Variants in MTUS1 observed in about 807,000 individuals in gnomAD.
The protein encoded by MTUS1 is microtubule-associated tumor suppressor 1.
In MTUS1, 109 loss-of-function variants were observed where a neutral mutation model predicts 120.8. The observed-to-expected ratio is 0.90, with a 90% CI of 0.77 to 1.06. MTUS1 has a LOEUF of 1.06. Ranked by LOEUF, MTUS1 falls within the 50% of genes least tolerant of loss-of-function variation. The pLI is 0.00. For missense variants in MTUS1, 2,210 were observed against 1,486.3 expected (o/e 1.49, Z -8.01); for synonymous variants, 737 against 550.5 (o/e 1.34, Z -4.74).
chr8:17,698,384 C>CA (rs17840567), intron 6 of MTUS1, among the ~76,000 whole-genome samples: 121,911 of 152,114 alleles, frequency 0.8, 48,959 homozygotes, highest in Middle Eastern at 0.88. Flanking sequence ...AACATGATAG[C>CA]AAAACCAAAA....
intron 1 of MTUS1, among the ~76,000 whole-genome samples, chr8:17,758,872 T>A (rs2048823522): frequency 6.6e-6 from 1 of 152,202 alleles, no homozygotes; most frequent in Non-Finnish European, 1.5e-5. Context: ...GGCTCATATG[T>A]CAAAGTTATT....
At chr8:17,681,772 C>T (rs1310942891) in intron 7 of MTUS1, 1 of 154,654 alleles carries the variant, frequency 6.5e-6, no homozygotes, top group Non-Finnish European at 1.5e-5. Flanking sequence ...CTTATAGTAC[C>T]AGTTGAAAAC....
chr8:17,800,843 A>C (rs1330624209), intron 1 of MTUS1: 1 of 152,424 alleles, frequency 6.6e-6, no homozygotes, highest in Non-Finnish European at 1.5e-5. Context: ...CGAGATCCGC[A>C]TCCGTCCCTT....
At chr8:17,646,264 C>A (rs1292936205) in intron 14 of MTUS1, 125 bp from the exon 15 acceptor site, 1 of 1,076,684 alleles carries the variant, frequency 9.3e-7, no homozygotes, top group Admixed American at 2.9e-5. Flanking sequence ...GAATCCTGCA[C>A]AAGGTCACAG....
chr8:17,713,770 T>C (rs1821790764), intron 5 of MTUS1, among the ~76,000 whole-genome samples: 1 of 152,190 alleles, frequency 6.6e-6, no homozygotes, highest in South Asian at 2.1e-4. Flanking sequence ...AAGAAATCTA[T>C]GATGCTTCTA....
chr8:17,750,570 AT>A (rs1395343692), intron 2 of MTUS1, among the ~76,000 whole-genome samples: 3 of 152,204 alleles, frequency 2.0e-5, no homozygotes, highest in Non-Finnish European at 4.4e-5. Context: ...GTGAATCCCA[AT>A]TTTACTATTT....
chr8:17,680,426 T>G lies in MTUS1; in HGVS notation c.2838+3902A>C, dbSNP rs186643571. ...TTGCAGTGAGCTGAGATTGCGCCACTGCACTCCAGACTGGGTGACAGAGCA... is the reference window on the plus strand; with the variant it reads ...TTGCAGTGAGCTGAGATTGCGCCACGGCACTCCAGACTGGGTGACAGAGCA... On this transcript the variant is annotated intron_variant, in intron 7 of 14. Transcript: ENST00000693296. Among the ~76,000 whole-genome samples, 28 of 128,552 alleles carry G rather than the reference T, an allele frequency of 2.2e-4. No individual in the cohort carries two copies. The Admixed American group carries it at 2.7e-3, about 12-fold the overall frequency. The allele number at this position is 128,552 out of a possible 152,430, so 84.3% of individuals were successfully genotyped here. A position where few individuals can be genotyped will look rare whatever the true frequency, so the allele number is the denominator to read the frequency against.
chr8:17,655,101 G>C (rs932644016), intron 9 of MTUS1: 1 of 169,238 alleles, frequency 5.9e-6, no homozygotes, highest in Non-Finnish European at 1.3e-5. Context: ...GTTTCACAGT[G>C]ACAGGGCCAC....
intron 1 of MTUS1, among the ~76,000 whole-genome samples, chr8:17,767,707 A>AAAAAAAAAAAAAAACAAACAAACAAAC (rs1554533231): frequency 4.8e-5 from 7 of 144,440 alleles, no homozygotes; most frequent in Admixed American, 1.4e-4. Flanking sequence ...TCTTAAAAAA[A>AAAAAAAAAAAAAAACAAACAAACAAAC]AAAAAAAAAA....
chr8:17,714,741 T>C (rs1821979522), intron 5 of MTUS1, among the ~76,000 whole-genome samples: 4 of 152,064 alleles, frequency 2.6e-5, no homozygotes, highest in Admixed American at 2.0e-4. Context: ...GTGACAGCAA[T>C]TGCTGGTTGA....
At chr8:17,711,294 G>A (rs1047287728) in intron 6 of MTUS1, among the ~76,000 whole-genome samples, 1 of 152,186 alleles carries the variant, frequency 6.6e-6, no homozygotes, top group Non-Finnish European at 1.5e-5. Flanking sequence ...TACACTGAAT[G>A]TCTGTTGTTT....
chr8:17,744,980 T>C (rs2047634930), intron 2 of MTUS1, among the ~76,000 whole-genome samples: 1 of 152,220 alleles, frequency 6.6e-6, no homozygotes. Flanking sequence ...CTCCCTAAAA[T>C]GGATGAAATC....
intron 7 of MTUS1, among the ~76,000 whole-genome samples, chr8:17,681,164 C>G (rs1440962042): frequency 6.6e-6 from 1 of 152,122 alleles, no homozygotes; most frequent in Non-Finnish European, 1.5e-5. Context: ...GAACTTCTGA[C>G]CTCAGGTGAT....
chr8:17,712,340 TA>T (rs1277617433), intron 6 of MTUS1, among the ~76,000 whole-genome samples: 2 of 151,862 alleles, frequency 1.3e-5, no homozygotes, highest in Non-Finnish European at 2.9e-5. Flanking sequence ...TCAATCCATC[TA>T]TCTTTTTTTT....
At chr8:17,657,058 C>CAA (rs1219286349) in intron 8 of MTUS1, among the ~76,000 whole-genome samples, 631 of 55,456 alleles carry the variant, frequency 0.011, 10 homozygotes, top group African/African-American at 0.022. Flanking sequence ...GATTCTGTCT[C>CAA]AAAAAAAAAA....
At chr8:17,784,777 T>A (rs562109538) in intron 1 of MTUS1, among the ~76,000 whole-genome samples, 1 of 132,598 alleles carries the variant, frequency 7.5e-6, no homozygotes, top group East Asian at 2.2e-4. Flanking sequence ...GACCTTTTTA[T>A]AACAAGAAGA....
chr8:17,740,344 G>A (rs940945239), intron 3 of MTUS1, among the ~76,000 whole-genome samples: 2 of 152,238 alleles, frequency 1.3e-5, no homozygotes, highest in African/African-American at 4.8e-5. Context: ...TAAGTGTTCT[G>A]AAAGGATTTA....
At chr8:17,701,412 AGAT>A (rs1257863372) in intron 6 of MTUS1, among the ~76,000 whole-genome samples, 3 of 152,340 alleles carry the variant, frequency 2.0e-5, no homozygotes, top group African/African-American at 4.8e-5. Flanking sequence ...CCCACCTGTA[AGAT>A]GATAAGCTCT....
chr8:17,696,115 G>A (rs898845410), intron 6 of MTUS1, among the ~76,000 whole-genome samples: 1 of 152,214 alleles, frequency 6.6e-6, no homozygotes, highest in Non-Finnish European at 1.5e-5. Flanking sequence ...TGGAAGGGCT[G>A]CAGCGGCCCT....
Sources: allele counts gnomAD v4.1 joint callset (sites outside exome capture counted in the v4.1 genomes callset), GRCh38; gene constraint gnomAD v4.1.1; transcripts MANE v1.5; gene names NCBI Gene and HGNC (gene_info 2026-07-23, HGNC 2026-07-21).